Variants in FAT3 observed in about 807,000 individuals in gnomAD.
FAT3 encodes the protein protocadherin Fat 3.
Under a neutral mutation model 310.2 loss-of-function variants are expected in FAT3, and 95 were observed. The ratio of observed to expected loss-of-function variants is 0.31; its 90% CI spans 0.26 to 0.36. The LOEUF is 0.36. Ranked by LOEUF, FAT3 falls within the 10% of genes least tolerant of loss-of-function variation. The pLI, the probability that FAT3 is intolerant of heterozygous loss-of-function variation, is 1.00. For synonymous variants in FAT3, 2,314 were observed against 2,192.9 expected (o/e 1.06, Z -1.54); for missense variants, 5,408 against 5,715.6 (o/e 0.95, Z 1.74).
At chr11:92,402,858 G>A (rs554717466) in intron 2 of FAT3, among the ~76,000 whole-genome samples, 210 of 151,114 alleles carry the variant, frequency 1.4e-3, no homozygotes, top group African/African-American at 5.0e-3. Flanking sequence ...AAAAAAAAAG[G>A]CCAGCACCAA....
rs1948514404 is a variant in FAT3, at chr11:92,840,612, A to G, written c.10419A>G (p.Arg3473=). ...TSILQLVVTD[R]DSFHNGPPFS... Reference sequence around the variant, plus strand: ...TCTTGCAGCTGGTGGTGACAGACAGAGACTCCTTTCACAATGGGCCTCCCT... The same window carrying G: ...TCTTGCAGCTGGTGGTGACAGACAGGGACTCCTTTCACAATGGGCCTCCCT... The change falls in exon 18 of 28, where the codon AGA becomes AGG. Residue 3473 remains arginine (R), a synonymous_variant. Coordinates refer to ENST00000525166, the MANE Select transcript of FAT3 (RefSeq NM_001367949.2). 1.2e-6 allele frequency: 2 copies of G among 1,610,556 alleles called. No homozygotes were observed. Among genetic ancestry groups the G allele is most frequent in the South Asian group, 1.1e-5 (1 of 90,944 alleles).
intron 1 of FAT3, among the ~76,000 whole-genome samples, chr11:92,262,466 A>G (rs1250118988): frequency 2.6e-5 from 4 of 152,036 alleles, no homozygotes; most frequent in Admixed American, 6.6e-5. Context: ...GGTAGACCCA[A>G]TCCCTGAGCC....
At chr11:92,527,828 GATAGATA>G (rs1953922315) in intron 3 of FAT3, among the ~76,000 whole-genome samples, 3 of 151,958 alleles carry the variant, frequency 2.0e-5, no homozygotes, top group Non-Finnish European at 4.4e-5. Context: ...TAGATAGATA[GATAGATA>G]CATAGATAGA....
At chr11:92,766,515 G>A (rs3847526) in intron 6 of FAT3, 38,559 of 152,184 alleles carry the variant, frequency 0.25, 5,593 homozygotes, top group Non-Finnish European at 0.33. Context: ...CCCATGGCCC[G>A]CAGTCAAACC....
intron 6 of FAT3, among the ~76,000 whole-genome samples, chr11:92,773,021 A>C (rs887054188): frequency 2.0e-5 from 3 of 152,218 alleles, no homozygotes; most frequent in Admixed American, 6.5e-5. Flanking sequence ...GTAGTTAAAT[A>C]AAATTACTGT....
In FAT3 at chr11:92,757,143, C is replaced by T. The variant is rs568165144; in HGVS notation, c.3670-4713C>T. On this transcript the variant is annotated intron_variant, in intron 4 of 27. Coordinates refer to ENST00000525166, the MANE Select transcript of FAT3 (RefSeq NM_001367949.2). ...TTCTCCATGTTGGTCAGGCTGGTCTCGAACTCCCGACCTCAGGTGATCCGC... is the reference window on the plus strand; with the variant it reads ...TTCTCCATGTTGGTCAGGCTGGTCTTGAACTCCCGACCTCAGGTGATCCGC... 1.3e-4 allele frequency among the ~76,000 whole-genome samples: 20 copies of T among 152,042 alleles called. No homozygotes were observed. The East Asian group carries it at 3.1e-3, about 24-fold the overall frequency.
chr11:92,461,257 T>A (rs1427214780), intron 2 of FAT3, among the ~76,000 whole-genome samples: 3 of 152,154 alleles, frequency 2.0e-5, no homozygotes, highest in Non-Finnish European at 2.9e-5. Context: ...GGGCTTCCCA[T>A]GCTTTTTCTG....
At chr11:92,437,858 A>C (rs1411396090) in intron 2 of FAT3, among the ~76,000 whole-genome samples, 1 of 152,158 alleles carries the variant, frequency 6.6e-6, no homozygotes, top group Non-Finnish European at 1.5e-5. Flanking sequence ...TAGTCTGGGG[A>C]TCAGCATGGG....
At chr11:92,323,706 G>A (rs1166318902) in intron 1 of FAT3, among the ~76,000 whole-genome samples, 4 of 151,420 alleles carry the variant, frequency 2.6e-5, no homozygotes, top group Non-Finnish European at 5.9e-5. Context: ...AACAAGCAGA[G>A]TAGATTTAGC....
intron 2 of FAT3, among the ~76,000 whole-genome samples, chr11:92,487,661 A>G (rs1952459641): frequency 6.6e-6 from 1 of 152,232 alleles, no homozygotes; most frequent in African/African-American, 2.4e-5. Flanking sequence ...ACAAAGTCGT[A>G]CAATCTAGAA....
intron 3 of FAT3, among the ~76,000 whole-genome samples, chr11:92,557,161 T>G (rs1040302768): frequency 6.6e-6 from 1 of 152,108 alleles, no homozygotes; most frequent in South Asian, 2.1e-4. Context: ...CTTCACCTTC[T>G]GCAGAATAAC....
Position 92,831,952 on chromosome 11 carries a change from T to A in FAT3, c.9812T>A (p.Ile3271Asn), listed in dbSNP as rs1948272306. ...TSKDIGTNAE[I>N]TYLIRSGNEQ... ...AAAGATATTGGCACAAATGCTGAGA[T>A]CACTTATCTCATCCGGTCTGGGAAC... Residue 3271 changes from isoleucine (I) to asparagine (N), a missense_variant, in exon 14 of 28, where the codon ATC (isoleucine) becomes AAC (asparagine). Physicochemically the swap from Ile to Asn is moderately radical, Grantham distance 149 (BLOSUM62 -3). This residue lies in a region of FAT3 where 4,588 missense variants were observed against 4,809.8 expected (regional missense o/e 0.95). Transcript: ENST00000525166. 1 of 1,586,120 alleles carries A rather than the reference T, an allele frequency of 6.3e-7. No individual in the cohort carries two copies. Among genetic ancestry groups the A allele is most frequent in the Non-Finnish European group, 8.6e-7 (1 of 1,165,632 alleles).
chr11:92,751,369 G>A (rs908986261), intron 4 of FAT3, among the ~76,000 whole-genome samples: 5 of 152,144 alleles, frequency 3.3e-5, no homozygotes, highest in South Asian at 4.1e-4. Flanking sequence ...TGGTTAACAC[G>A]GAGTGCCTGA....
At chr11:92,606,378 A>G (rs1940298325) in intron 3 of FAT3, among the ~76,000 whole-genome samples, 1 of 152,082 alleles carries the variant, frequency 6.6e-6, no homozygotes, top group Non-Finnish European at 1.5e-5. Flanking sequence ...AGCATGCATG[A>G]CCTTCTAGGA....
chr11:92,827,260 T>C (rs1472215062), intron 13 of FAT3, among the ~76,000 whole-genome samples: 2 of 152,210 alleles, frequency 1.3e-5, no homozygotes, highest in East Asian at 1.9e-4. Context: ...TAGCTTGTCA[T>C]GATCCAGCTG....
chr11:92,612,059 A>G (rs559219811), intron 3 of FAT3, among the ~76,000 whole-genome samples: 8 of 152,360 alleles, frequency 5.3e-5, no homozygotes, highest in African/African-American at 1.9e-4. Flanking sequence ...ATGTAGTACT[A>G]GGCACATTGG....
In FAT3 at chr11:92,440,826, G is replaced by A. The variant is rs141672790; in HGVS notation, c.3293-83808G>A. Among the ~76,000 whole-genome samples, 62 of 152,296 alleles carry A rather than the reference G, an allele frequency of 4.1e-4. 1 individual carries two copies. Among genetic ancestry groups the A allele is most frequent in the Middle Eastern group, 3.4e-3 (1 of 294 alleles). On this transcript the variant is annotated intron_variant, in intron 2 of 27. Coordinates refer to ENST00000525166, the MANE Select transcript of FAT3 (RefSeq NM_001367949.2). Reference sequence around the variant, plus strand: ...ATGCATTAACCTGAGAAGTATAATGGAATAGGCTTGCCTTTGTAAGTTGGT... The same window carrying A: ...ATGCATTAACCTGAGAAGTATAATGAAATAGGCTTGCCTTTGTAAGTTGGT...
chr11:92,622,301 C>T (rs529528162), intron 3 of FAT3, among the ~76,000 whole-genome samples: 1 of 151,478 alleles, frequency 6.6e-6, no homozygotes, highest in Non-Finnish European at 1.5e-5. Context: ...AATGGTGGAA[C>T]ATAATTATGA....
At chr11:92,717,610 T>C (rs1944728375) in intron 4 of FAT3, among the ~76,000 whole-genome samples, 1 of 152,218 alleles carries the variant, frequency 6.6e-6, no homozygotes, top group Non-Finnish European at 1.5e-5. Flanking sequence ...TATGAACATA[T>C]ATGGAAGATT....
Sources: allele counts gnomAD v4.1 joint callset (sites outside exome capture counted in the v4.1 genomes callset), GRCh38; gene constraint gnomAD v4.1.1; regional missense constraint gnomAD v4.1.1; transcripts MANE v1.5; gene names NCBI Gene and HGNC (gene_info 2026-07-23, HGNC 2026-07-21).